The following DCAF5 variants were observed in gnomAD, a reference collection of about 807,000 sequenced individuals.
DCAF5 encodes the protein DDB1 and CUL4 associated factor 5.
Under a neutral mutation model 80.7 loss-of-function variants are expected in DCAF5, and 9 were observed. The observed-to-expected ratio is 0.11, with a 90% CI of 0.07 to 0.19. The LOEUF (loss-of-function observed/expected upper bound fraction) is 0.19. Ranked by LOEUF, DCAF5 falls within the 10% of genes least tolerant of loss-of-function variation. The probability of loss-of-function intolerance (pLI) is 1.00; values close to 1 mark genes in which losing one functional copy is unlikely to be tolerated. For missense variants in DCAF5, 842 were observed against 1,205.7 expected, an observed-to-expected ratio of 0.70 and a Z score of 4.47; for synonymous variants, 433 against 461.9, an observed-to-expected ratio of 0.94 and a Z score of 0.80.
rs1594921092 is a variant in DCAF5 at position 69,055,702 on chromosome 14, C to T, written c.1075-91G>A. 6.3e-6 allele frequency: 8 copies of T among 1,270,294 alleles called. No individual in the cohort carries two copies. In the East Asian group the frequency reaches 1.9e-4, roughly 30 times the overall value. 78.7% of individuals were successfully genotyped at this position (1,270,294 alleles called of 1,614,324 possible). A position where few individuals can be genotyped will look rare whatever the true frequency, so the allele number is the denominator to read the frequency against. ...ATAAAGAACACCAAGGCAGAACTTC[C>T]CCAGACTCTCCCTGTAATTTAACTA... On this transcript the variant is annotated intron_variant, in intron 8 of 8. Transcript: ENST00000341516. The surrounding 1 kb of genome is among the most constrained non-coding windows in gnomAD (Gnocchi z 5.6).
At chr14:69,085,314 C>G in intron 6 of DCAF5, 1 of 708,400 alleles carries the variant, frequency 1.4e-6, no homozygotes, top group Admixed American at 1.8e-5. Context: ...ACCAGAAAAC[C>G]AAGAAAGTTG....
chr14:69,084,719 A>G, intron 6 of DCAF5: 3 of 1,280,756 alleles, frequency 2.3e-6, no homozygotes, highest in South Asian at 2.6e-5. Context: ...GCTGAACTAC[A>G]TTGATTTGCC....
At chr14:69,113,368 G>A (rs767713400) in intron 5 of DCAF5, among the ~76,000 whole-genome samples, 2 of 152,106 alleles carry the variant, frequency 1.3e-5, no homozygotes, top group Non-Finnish European at 2.9e-5. Context: ...AGAACACCAA[G>A]CAACTCTTAT....
At chr14:69,058,355 C>A (rs1044000067) in intron 8 of DCAF5, among the ~76,000 whole-genome samples, 8 of 151,610 alleles carry the variant, frequency 5.3e-5, no homozygotes, top group African/African-American at 1.9e-4. Flanking sequence ...CCTGTCTCTA[C>A]CAAAAATACA....
intron 5 of DCAF5, among the ~76,000 whole-genome samples, chr14:69,095,709 T>C (rs904872978): frequency 1.3e-5 from 2 of 152,228 alleles, no homozygotes; most frequent in Admixed American, 6.5e-5. Context: ...GTATCACTTC[T>C]AGCACAACAT....
At chr14:69,092,437 T>C (rs2039566051) in intron 5 of DCAF5, among the ~76,000 whole-genome samples, 1 of 152,072 alleles carries the variant, frequency 6.6e-6, no homozygotes, top group African/African-American at 2.4e-5. Flanking sequence ...GGCAACATAA[T>C]GAGACTTTGT....
At chr14:69,104,180 C>T (rs532949198) in intron 5 of DCAF5, among the ~76,000 whole-genome samples, 2 of 152,252 alleles carry the variant, frequency 1.3e-5, no homozygotes, top group African/African-American at 2.4e-5. Flanking sequence ...AACTGTTTCC[C>T]AGAGTGGCTA....
At chr14:69,081,126 C>G (rs1853523377) in intron 6 of DCAF5, among the ~76,000 whole-genome samples, 1 of 152,068 alleles carries the variant, frequency 6.6e-6, no homozygotes, top group African/African-American at 2.4e-5. Flanking sequence ...AGCCTTTTAT[C>G]TTATACTCTA....
At chr14:69,091,183 C>T (rs745998730) in intron 6 of DCAF5, 4 of 712,168 alleles carry the variant, frequency 5.6e-6, no homozygotes, top group African/African-American at 3.5e-5. Context: ...AAAGAGTCAG[C>T]ATCTGGCTCC....
At chr14:69,109,560 G>A (rs145678347) in intron 5 of DCAF5, among the ~76,000 whole-genome samples, 68 of 152,108 alleles carry the variant, frequency 4.5e-4, no homozygotes, top group Non-Finnish European at 7.5e-4. Flanking sequence ...TCATGCAAAT[G>A]GAATCACAGA....
At chr14:69,126,093 A>C (rs1261952725) in intron 1 of DCAF5, among the ~76,000 whole-genome samples, 1 of 152,128 alleles carries the variant, frequency 6.6e-6, no homozygotes, top group African/African-American at 2.4e-5. Context: ...CAAGATCTAC[A>C]TAAGAAAAAT....
In DCAF5 at chr14:69,054,705, A is replaced by G. The variant is rs770913471; in HGVS notation, c.1981T>C (p.Tyr661His). Residue 661 changes from tyrosine to histidine, a missense_variant, in exon 9 of 9, where the codon TAT becomes CAT. Physicochemically the swap from Tyr to His is moderately conservative, Grantham distance 83. This residue lies in a region of DCAF5 where 607 missense variants were observed against 656.6 expected (regional missense o/e 0.92). Coordinates refer to ENST00000341516, the MANE Select transcript of DCAF5 (RefSeq NM_003861.3). ...SDIESVERKI[Y>H]KAYKWLRYSY... ...TAGCGGAGCCACTTGTAAGCTTTATAAATTTTTCGCTCAACTGATTCTATG... is the reference window on the plus strand; with the variant it reads ...TAGCGGAGCCACTTGTAAGCTTTATGAATTTTTCGCTCAACTGATTCTATG... The G allele has an allele frequency of 6.2e-7, 1 of 1,614,222 alleles. No individual in the cohort carries two copies. Among genetic ancestry groups the G allele is most frequent in the Non-Finnish European group, 8.5e-7 (1 of 1,180,052 alleles).
At chr14:69,081,106 C>G (rs1348767590) in intron 6 of DCAF5, among the ~76,000 whole-genome samples, 1 of 152,010 alleles carries the variant, frequency 6.6e-6, no homozygotes, top group East Asian at 1.9e-4. Flanking sequence ...AAATGAAACT[C>G]ACTTCGCACA....
At chr14:69,102,260 C>T (rs1194436986) in intron 5 of DCAF5, among the ~76,000 whole-genome samples, 2 of 151,880 alleles carry the variant, frequency 1.3e-5, no homozygotes, top group Non-Finnish European at 1.5e-5. Context: ...AGGCACACGT[C>T]ACCATGCCCG....
Position 69,055,489 on chromosome 14 carries a change from G to A in DCAF5, c.1197C>T (p.Gly399=). The part of the protein sequence containing the change: ...YISLVLNSGS[G]LSHDYANQSV... Reference sequence around the variant, plus strand: ...ACTGGTTGGCGTAGTCATGCGACAGGCCACTCCCACTGTTCAGCACAAGGC... The same window carrying A: ...ACTGGTTGGCGTAGTCATGCGACAGACCACTCCCACTGTTCAGCACAAGGC... The change falls in exon 9 of 9, where the codon GGC becomes GGT. Residue 399 remains glycine, a synonymous_variant. Transcript: ENST00000341516. The surrounding 1 kb of genome is among the most constrained non-coding windows in gnomAD (Gnocchi z 5.6). 3.7e-6 allele frequency: 6 copies of A among 1,614,186 alleles called. No homozygotes were observed. Among genetic ancestry groups the A allele is most frequent in the Non-Finnish European group, 5.1e-6 (6 of 1,180,040 alleles).
At chr14:69,085,304 A>G in intron 6 of DCAF5, 1 of 713,028 alleles carries the variant, frequency 1.4e-6, no homozygotes, top group Non-Finnish European at 2.6e-6. Context: ...GGATTTGGCT[A>G]CCAGAAAACC....
intron 5 of DCAF5, among the ~76,000 whole-genome samples, chr14:69,115,133 T>C (rs559399709): frequency 6.6e-6 from 1 of 152,224 alleles, no homozygotes; most frequent in Non-Finnish European, 1.5e-5. Context: ...ATGAACACAG[T>C]TGTCTTCTTG....
At chr14:69,060,970 ACT>A (rs2038193998) in intron 8 of DCAF5, among the ~76,000 whole-genome samples, 1 of 150,960 alleles carries the variant, frequency 6.6e-6, no homozygotes, top group African/African-American at 2.4e-5. Context: ...TTCTCTGAAA[ACT>A]CTCAGGTTTT....
At chr14:69,070,362 G>A (rs1048736288) in intron 7 of DCAF5, among the ~76,000 whole-genome samples, 1 of 152,098 alleles carries the variant, frequency 6.6e-6, no homozygotes, top group Non-Finnish European at 1.5e-5. Flanking sequence ...GATCTACATC[G>A]ATCTTACTAT....
Sources: gnomAD v4.1 joint callset for allele counts (sites outside exome capture counted in the v4.1 genomes callset) on GRCh38, gnomAD v4.1.1 for gene constraint, gnomAD v4.1.1 regional missense constraint, Gnocchi (gnomAD v3.1) non-coding constraint, MANE v1.5 for transcripts, NCBI Gene and HGNC (gene_info 2026-07-23, HGNC 2026-07-21) for gene names.